The following CSNK2A2IP variants were observed in gnomAD, a reference collection of about 807,000 sequenced individuals.
The protein encoded by CSNK2A2IP is casein kinase 2 subunit alpha' interacting protein.
the CSNK2A2IP span, among the ~76,000 whole-genome samples, chr3:88,410,160 C>T: frequency 6.6e-6 from 1 of 152,006 alleles, no homozygotes; most frequent in Non-Finnish European, 1.5e-5. Context: ...AAATGTGGCT[C>T]ACTGAGCTCA....
At chr3:88,359,719 C>T in the CSNK2A2IP span, among the ~76,000 whole-genome samples, 7 of 152,230 alleles carry the variant, frequency 4.6e-5, no homozygotes, top group South Asian at 1.5e-3. Context: ...CCATTGTGAT[C>T]AGAAAAGATA....
chr3:88,425,881 G>T, the CSNK2A2IP span, among the ~76,000 whole-genome samples: 1 of 152,088 alleles, frequency 6.6e-6, no homozygotes. Flanking sequence ...GCTGGCGGTA[G>T]TAGGCAAGGT....
At chr3:88,447,364 G>T in the CSNK2A2IP span, among the ~76,000 whole-genome samples, 14 of 151,990 alleles carry the variant, frequency 9.2e-5, no homozygotes, top group Non-Finnish European at 2.1e-4. Flanking sequence ...TTACTGATGG[G>T]AATATTTGGT....
At chr3:88,341,906 T>G in the CSNK2A2IP span, among the ~76,000 whole-genome samples, 2 of 151,976 alleles carry the variant, frequency 1.3e-5, no homozygotes, top group East Asian at 3.9e-4. Context: ...TGATGTGTTT[T>G]TACTTAGTGT....
At chr3:88,437,029 T>G in the CSNK2A2IP span, among the ~76,000 whole-genome samples, 1 of 152,158 alleles carries the variant, frequency 6.6e-6, no homozygotes, top group South Asian at 2.1e-4. Flanking sequence ...AAGTCCAGTA[T>G]GCTTGAAATT....
the CSNK2A2IP span, among the ~76,000 whole-genome samples, chr3:88,348,979 C>G: frequency 6.6e-6 from 1 of 151,912 alleles, no homozygotes; most frequent in Non-Finnish European, 1.5e-5. Context: ...TTGAGATACT[C>G]TTTTTGCTTC....
the CSNK2A2IP span, among the ~76,000 whole-genome samples, chr3:88,368,285 T>A: frequency 6.6e-6 from 1 of 151,832 alleles, no homozygotes; most frequent in Non-Finnish European, 1.5e-5. Flanking sequence ...CAGGTGACAT[T>A]TTTGCTGGAA....
the CSNK2A2IP span, among the ~76,000 whole-genome samples, chr3:88,458,141 GTTT>G: frequency 2.1e-3 from 173 of 83,224 alleles, no homozygotes; most frequent in Non-Finnish European, 3.0e-3. Context: ...TGTAATTGTG[GTTT>G]TTTTTTTTTT....
the CSNK2A2IP span, among the ~76,000 whole-genome samples, chr3:88,428,877 A>G: frequency 6.6e-6 from 1 of 151,936 alleles, no homozygotes; most frequent in African/African-American, 2.4e-5. Flanking sequence ...ATAATTGACT[A>G]ATGATATCTA....
chr3:88,407,292 C>CAAAAAAAAAA, the CSNK2A2IP span, among the ~76,000 whole-genome samples: 1 of 102,984 alleles, frequency 9.7e-6, no homozygotes, highest in Admixed American at 1.2e-4. Flanking sequence ...CAGAAAAGTC[C>CAAAAAAAAAA]AAAAAAAAAA....
chr3:88,357,425 C>A, the CSNK2A2IP span, among the ~76,000 whole-genome samples: 3 of 151,942 alleles, frequency 2.0e-5, no homozygotes, highest in African/African-American at 4.8e-5. Context: ...ATTAGTGTTG[C>A]TGGGTTCTAT....
At chr3:88,363,932 G>C in the CSNK2A2IP span, among the ~76,000 whole-genome samples, 1 of 152,124 alleles carries the variant, frequency 6.6e-6, no homozygotes, top group Non-Finnish European at 1.5e-5. Context: ...CCTGGCTTTG[G>C]ATAGTTACCT....
the CSNK2A2IP span, among the ~76,000 whole-genome samples, chr3:88,388,220 A>T: frequency 6.6e-6 from 1 of 152,216 alleles, no homozygotes; most frequent in Non-Finnish European, 1.5e-5. Flanking sequence ...ATTAAATCAT[A>T]CACACAAAAA....
At chr3:88,373,081 G>A in the CSNK2A2IP span, among the ~76,000 whole-genome samples, 1 of 151,442 alleles carries the variant, frequency 6.6e-6, no homozygotes, top group Non-Finnish European at 1.5e-5. Context: ...CAAGTTTACA[G>A]AAATTCAGTA....
chr3:88,367,513 G>T, the CSNK2A2IP span, among the ~76,000 whole-genome samples: 1 of 151,974 alleles, frequency 6.6e-6, no homozygotes, highest in Non-Finnish European at 1.5e-5. Flanking sequence ...TTGGAGATAA[G>T]AACAACAACA....
chr3:88,450,240 A>G, the CSNK2A2IP span, among the ~76,000 whole-genome samples: 3 of 152,136 alleles, frequency 2.0e-5, no homozygotes, highest in Non-Finnish European at 4.4e-5. Flanking sequence ...GGAAACATAT[A>G]GATAATAAGA....
At chr3:88,439,616 C>A in the CSNK2A2IP span, among the ~76,000 whole-genome samples, 1 of 151,538 alleles carries the variant, frequency 6.6e-6, no homozygotes, top group Non-Finnish European at 1.5e-5. Flanking sequence ...GTGGTGCGCA[C>A]CTGTAATCCC....
At chr3:88,358,008 C>T in the CSNK2A2IP span, among the ~76,000 whole-genome samples, 1 of 152,018 alleles carries the variant, frequency 6.6e-6, no homozygotes, top group Non-Finnish European at 1.5e-5. Context: ...GCCACTGCTC[C>T]CAGTCCATCA....
the CSNK2A2IP span, among the ~76,000 whole-genome samples, chr3:88,427,504 G>T: frequency 9.2e-5 from 14 of 152,176 alleles, no homozygotes; most frequent in African/African-American, 2.7e-4. Context: ...TTCTATGGCA[G>T]CCCCTCCCAT....
Sources: gnomAD v4.1 joint callset for allele counts (sites outside exome capture counted in the v4.1 genomes callset) on GRCh38, gnomAD v4.1.1 for gene constraint, MANE v1.5 for transcripts, NCBI Gene and HGNC (gene_info 2026-07-23, HGNC 2026-07-21) for gene names.